NCOA4: variants seen among roughly 807,000 people sequenced by gnomAD.
NCOA4 encodes nuclear receptor coactivator 4.
NCOA4 carries 31 observed loss-of-function variants against 69.5 expected under a neutral mutation model. The observed-to-expected ratio is 0.45, with a 90% CI of 0.34 to 0.60. The LOEUF (loss-of-function observed/expected upper bound fraction) is 0.60, where lower values mean the gene tolerates loss of function less well. Ranked by LOEUF, NCOA4 falls within the 20% of genes least tolerant of loss-of-function variation. The probability of loss-of-function intolerance (pLI) is 0.02; values close to 1 mark genes in which losing one functional copy is unlikely to be tolerated. For synonymous variants in NCOA4, 228 were observed against 252.4 expected, an observed-to-expected ratio of 0.90 and a Z score of 0.92; for missense variants, 600 against 719.2, an observed-to-expected ratio of 0.83 and a Z score of 1.90.
At chr10:46,012,090 A>AAAAAAAAAAAAAAAT in intron 7 of NCOA4, among the ~76,000 whole-genome samples, 1 of 147,362 alleles carries the variant, frequency 6.8e-6, no homozygotes, top group Non-Finnish European at 1.5e-5. Flanking sequence ...AAAAAAAAAA[A>AAAAAAAAAAAAAAAT]AAAAAAAAAA....
Position 46,010,364 on chromosome 10 carries a change from G to A in NCOA4, c.1557C>T (p.Gly519=). The A allele has an allele frequency of 6.2e-7, 1 of 1,614,118 alleles. No homozygotes were observed. The highest frequency in any genetic ancestry group is 8.5e-7 in the Non-Finnish European group (1 of 1,180,040). The change falls in exon 8 of 10, where the codon GGC becomes GGT. Residue 519 remains glycine, a synonymous_variant. Transcript: ENST00000581486. ...KEVPGTEDRA[G]KQKFKSPMNT... ...TCATGGGGCTTTTAAACTTCTGTTT[G>A]CCAGCTCTGTCTTCAGTACCAGGCA...
intron 7 of NCOA4, 52 bp from the exon 8 acceptor site, chr10:46,011,258 G>A: frequency 1.3e-6 from 2 of 1,511,058 alleles, no homozygotes; most frequent in African/African-American, 1.4e-5. Flanking sequence ...TGACTGCTTT[G>A]GAGATTCTGT....
At position 46,016,602 on chromosome 10, in the gene NCOA4, A is replaced by C. The variant is rs374496019; in HGVS notation, c.79T>G (p.Leu27Val). ...AGAACTCCACCAATAGCAAGCTCCAAGTCCCTCCGTGCATCACTACACCTC... is the reference window on the plus strand; with the variant it reads ...AGAACTCCACCAATAGCAAGCTCCACGTCCCTCCGTGCATCACTACACCTC... ...LLRCSDARRDLELAIGGVLRA... is the reference protein window; with the variant it reads ...LLRCSDARRDVELAIGGVLRA... Residue 27 changes from leucine to valine, a missense_variant, in exon 2 of 10, where the codon TTG becomes GTG. Coordinates refer to ENST00000581486, the MANE Select transcript of NCOA4 (RefSeq NM_001145263.2). The C allele has an allele frequency of 6.4e-7, 1 of 1,568,096 alleles. No homozygotes were observed. The highest frequency in any genetic ancestry group is 1.2e-5 in the South Asian group (1 of 83,588).
At chr10:46,009,635 A>G (rs1839078942) in intron 8 of NCOA4, 84 bp from the exon 9 acceptor site, 1 of 1,264,604 alleles carries the variant, frequency 7.9e-7, no homozygotes, top group Admixed American at 2.5e-5. Context: ...GTCTACAGAG[A>G]ATAATTTAAA....
At position 46,015,037 on chromosome 10, in the gene NCOA4, G is replaced by C; in HGVS notation, c.282+89C>G. 3.8e-6 allele frequency: 6 copies of C among 1,592,284 alleles called. No homozygotes were observed. The East Asian group carries it at 1.1e-4, about 30-fold the overall frequency. On this transcript the variant is annotated intron_variant, in intron 3 of 9. Transcript: ENST00000581486. ...AGCACTTGAGATTAAACTTCTATCT[G>C]ATCTATATTAACACTGCATTACAAG...
At chr10:46,007,725 G>A (rs1471368028) in intron 9 of NCOA4, among the ~76,000 whole-genome samples, 1 of 151,512 alleles carries the variant, frequency 6.6e-6, no homozygotes, top group Non-Finnish European at 1.5e-5. Context: ...TGAGTAGCTG[G>A]GACTATAGCA....
At chr10:46,027,959 A>G (rs2132392655) in intron 1 of NCOA4, among the ~76,000 whole-genome samples, 1 of 152,370 alleles carries the variant, frequency 6.6e-6, no homozygotes, top group South Asian at 2.1e-4. Context: ...TTAGTCAAAG[A>G]ACAGGATATA....
intron 7 of NCOA4, among the ~76,000 whole-genome samples, chr10:46,012,070 G>GGAAAAAAAAAAAAA (rs1839247374): frequency 9.0e-5 from 4 of 44,528 alleles, no homozygotes; most frequent in Non-Finnish European, 1.2e-4. Context: ...CAAAAAGAAA[G>GGAAAAAAAAAAAAA]AAAAAAAAAA....
At position 46,006,276 on chromosome 10, in the gene NCOA4, G is replaced by C; in HGVS notation, c.*316C>G. 2.5e-6 allele frequency: 1 copy of C among 396,558 alleles called. No homozygotes were observed. Among genetic ancestry groups the C allele is most frequent in the Non-Finnish European group, 4.6e-6 (1 of 216,552 alleles). The allele number at this position is 396,558 out of a possible 1,614,324, so 24.6% of individuals were successfully genotyped here. A position where few individuals can be genotyped will look rare whatever the true frequency, so the allele number is the denominator to read the frequency against. On this transcript the variant is annotated 3_prime_UTR_variant, in exon 10 of 10. Transcript: ENST00000581486. ...AGTGTTTTAATGTACTTTTAGTAACGACCCAATCTAAGGAGCCTTGGAGGC... is the reference window on the plus strand; with the variant it reads ...AGTGTTTTAATGTACTTTTAGTAACCACCCAATCTAAGGAGCCTTGGAGGC...
At chr10:46,014,388 C>T (rs1839411296) in intron 5 of NCOA4, 56 bp downstream of exon 5, 4 of 1,264,866 alleles carry the variant, frequency 3.2e-6, no homozygotes, top group Non-Finnish European at 4.5e-6. Context: ...TTTTTAAGAC[C>T]AGCTGTGAGG....
intron 9 of NCOA4, chr10:46,009,133 A>G (rs1410861802): frequency 4.6e-5 from 71 of 1,541,906 alleles, no homozygotes; most frequent in Non-Finnish European, 5.8e-5. Flanking sequence ...CCTTCGAGGT[A>G]GGTATATAAA....
chr10:46,010,859 C>G lies in NCOA4; in HGVS notation c.1062G>C (p.Gln354His). Residue 354 changes from glutamine to histidine, a missense_variant, in exon 8 of 10, where the codon CAG (glutamine) becomes CAC (histidine). Gln to His is a conservative substitution (Grantham distance 24). Transcript: ENST00000581486. ...TDSCTNCQGNQPKGVEIENLG... is the reference protein window; with the variant it reads ...TDSCTNCQGNHPKGVEIENLG... ...GGTTTTCAATCTCCACACCTTTGGG[C>G]TGGTTTCCCTGACAGTTGGTACAGG... 6.2e-7 allele frequency: 1 copy of G among 1,613,964 alleles called. No individual in the cohort carries two copies. The highest frequency in any genetic ancestry group is 8.5e-7 in the Non-Finnish European group (1 of 1,179,856).
At chr10:46,013,061 T>G (rs781804593) in intron 6 of NCOA4, 35 bp from the exon 7 acceptor site, 2 of 1,606,378 alleles carry the variant, frequency 1.2e-6, no homozygotes, top group South Asian at 1.1e-5. Context: ...TCAAATGCAG[T>G]AGAAAGTTCA....
intron 1 of NCOA4, 89 bp from the exon 2 acceptor site, chr10:46,016,783 A>C: frequency 1.1e-6 from 1 of 885,794 alleles, no homozygotes; most frequent in Non-Finnish European, 1.5e-6. Flanking sequence ...ATTCCAGCCA[A>C]CTCCCATTAC....
chr10:46,023,585 C>T (rs2132376531), intron 1 of NCOA4: 2 of 937,124 alleles, frequency 2.1e-6, no homozygotes, highest in Non-Finnish European at 2.5e-6. Context: ...GCTCCCTCCC[C>T]GCTGGGCCTC....
chr10:46,023,326 G>C, intron 1 of NCOA4: 1 of 985,546 alleles, frequency 1.0e-6, no homozygotes, highest in Non-Finnish European at 1.2e-6. Context: ...GCTGCCAGAC[G>C]TACCTCACAG....
Position 46,013,283 on chromosome 10 carries a change from G to A in NCOA4, c.571-257C>T, listed in dbSNP as rs182444521. On this transcript the variant is annotated intron_variant, in intron 6 of 9. Transcript: ENST00000581486. ...ATCTCTACAAATTATAAAGAGGATC[G>A]CTCACAGAGAACCAGTATCAGTAAG... Among the ~76,000 whole-genome samples the A allele has an allele frequency of 1.2e-3, 190 of 152,174 alleles. 2 individuals are homozygous for A. Among genetic ancestry groups the A allele is most frequent in the African/African-American group, 4.4e-3 (181 of 41,510 alleles).
intron 1 of NCOA4, among the ~76,000 whole-genome samples, chr10:46,025,802 T>C (rs1181117348): frequency 3.3e-5 from 5 of 152,236 alleles, no homozygotes; most frequent in African/African-American, 7.2e-5. Context: ...CTGTAACATA[T>C]GTTACCCTAT....
At chr10:46,008,776 A>G (rs1280402409) in intron 9 of NCOA4, among the ~76,000 whole-genome samples, 1 of 152,230 alleles carries the variant, frequency 6.6e-6, no homozygotes, top group African/African-American at 2.4e-5. Flanking sequence ...GGAAAAGTCA[A>G]TCGATGCAGC....
Sources: gnomAD v4.1 joint callset for allele counts (sites outside exome capture counted in the v4.1 genomes callset) on GRCh38, gnomAD v4.1.1 for gene constraint, MANE v1.5 for transcripts, NCBI Gene and HGNC (gene_info 2026-07-23, HGNC 2026-07-21) for gene names.